Variants in MACROD2 observed in about 807,000 individuals in gnomAD.
The protein encoded by MACROD2 is mono-ADP ribosylhydrolase 2.
Under a neutral mutation model 70.4 loss-of-function variants are expected in MACROD2, and 36 were observed. The ratio of observed to expected loss-of-function variants is 0.51; its 90% CI spans 0.39 to 0.68. MACROD2 has a LOEUF of 0.68. Ranked by LOEUF, MACROD2 falls within the 30% of genes least tolerant of loss-of-function variation. The pLI, the probability that MACROD2 is intolerant of heterozygous loss-of-function variation, is 0.00. For synonymous variants in MACROD2, 172 were observed against 178.8 expected (o/e 0.96, Z 0.30); for missense variants, 496 against 538.4 (o/e 0.92, Z 0.78).
At chr20:15,878,658 C>T (rs1273107214) in intron 9 of MACROD2, among the ~76,000 whole-genome samples, 1 of 152,070 alleles carries the variant, frequency 6.6e-6, no homozygotes, top group Non-Finnish European at 1.5e-5. Context: ...ACTTCCTTTT[C>T]CAAAGAAGTG....
At chr20:15,007,375 C>CA (rs200476463) in intron 5 of MACROD2, among the ~76,000 whole-genome samples, 90 of 146,792 alleles carry the variant, frequency 6.1e-4, no homozygotes, top group African/African-American at 2.2e-3. Flanking sequence ...AAAACAAAAA[C>CA]AAACAAAAAA....
intron 3 of MACROD2, among the ~76,000 whole-genome samples, chr20:14,113,096 A>C (rs1284368339): frequency 3.3e-5 from 5 of 151,978 alleles, no homozygotes; most frequent in Admixed American, 2.0e-4. Flanking sequence ...TTTGATAAGG[A>C]AAGGTTGAGA....
intron 6 of MACROD2, among the ~76,000 whole-genome samples, chr20:15,255,444 T>C (rs1458192017): frequency 1.1e-4 from 17 of 152,074 alleles, no homozygotes. Context: ...TATGGTACAA[T>C]TGGCAATCAT....
At chr20:14,997,450 T>G (rs2074959604) in intron 5 of MACROD2, among the ~76,000 whole-genome samples, 2 of 152,122 alleles carry the variant, frequency 1.3e-5, no homozygotes, top group East Asian at 3.9e-4. Flanking sequence ...GACCCAGTTC[T>G]GTGCTGGCTT....
At chr20:15,221,459 A>G (rs547459471) in intron 5 of MACROD2, among the ~76,000 whole-genome samples, 2 of 152,302 alleles carry the variant, frequency 1.3e-5, no homozygotes, top group Admixed American at 6.5e-5. Flanking sequence ...AAATAACACT[A>G]TTGTGATGCA....
chr20:15,323,229 C>A lies in MACROD2; in HGVS notation c.540+93168C>A, dbSNP rs1246471068. 3.3e-5 allele frequency among the ~76,000 whole-genome samples: 5 copies of A among 152,300 alleles called. No individual in the cohort carries two copies. In the East Asian group the frequency reaches 9.6e-4, roughly 29 times the overall value. On this transcript the variant is annotated intron_variant, in intron 6 of 17. Coordinates refer to ENST00000684519, the MANE Select transcript of MACROD2 (RefSeq NM_001351661.2). ...GGCAGCTGGGAATTGTTATTCTTCACCATCCTGCCATCACTGACAGATGCA... is the reference window on the plus strand; with the variant it reads ...GGCAGCTGGGAATTGTTATTCTTCAACATCCTGCCATCACTGACAGATGCA...
At chr20:14,303,768 C>T (rs1477162763) in intron 3 of MACROD2, among the ~76,000 whole-genome samples, 4 of 152,144 alleles carry the variant, frequency 2.6e-5, no homozygotes, top group African/African-American at 7.2e-5. Context: ...TCTTCCAACC[C>T]ACAGCCCCCA....
At chr20:14,901,082 T>A (rs1357347814) in intron 5 of MACROD2, among the ~76,000 whole-genome samples, 1 of 152,090 alleles carries the variant, frequency 6.6e-6, no homozygotes, top group Non-Finnish European at 1.5e-5. Context: ...AGACAGAAAC[T>A]TTAAATGCCA....
At chr20:15,947,154 C>G (rs905645127) in intron 12 of MACROD2, among the ~76,000 whole-genome samples, 2 of 152,074 alleles carry the variant, frequency 1.3e-5, no homozygotes, top group African/African-American at 2.4e-5. Flanking sequence ...ACATTCAGTT[C>G]CCAGGGGCAG....
intron 5 of MACROD2, among the ~76,000 whole-genome samples, chr20:15,127,045 G>A (rs558503461): frequency 3.3e-5 from 5 of 152,060 alleles, no homozygotes; most frequent in African/African-American, 1.2e-4. Context: ...TGTACACCTA[G>A]GGCAGAACAC....
chr20:15,091,093 A>G (rs2075789221), intron 5 of MACROD2, among the ~76,000 whole-genome samples: 1 of 152,012 alleles, frequency 6.6e-6, no homozygotes, highest in Non-Finnish European at 1.5e-5. Context: ...CTTGGGTGAG[A>G]TAACACTGGA....
chr20:14,982,468 C>T (rs2122842664), intron 5 of MACROD2, among the ~76,000 whole-genome samples: 1 of 152,232 alleles, frequency 6.6e-6, no homozygotes, highest in African/African-American at 2.4e-5. Flanking sequence ...CCATCACAGG[C>T]CTGGAGGCAC....
In MACROD2 at chr20:16,041,198, C is replaced by A; in HGVS notation, c.1154-3C>A. On this transcript the variant is annotated splice_region_variant and splice_polypyrimidine_tract_variant and intron_variant, in intron 15 of 17. Transcript: ENST00000684519. The stretch of plus-strand genomic sequence containing the variant: ...CAGGGACTGTGGTCTTTTTCTCTTC[C>A]AGCTCCAGGCGAGGACACACCTAGG... 6.2e-7 allele frequency: 1 copy of A among 1,610,386 alleles called. No homozygotes were observed. The highest frequency in any genetic ancestry group is 1.3e-5 in the African/African-American group (1 of 74,702).
intron 3 of MACROD2, among the ~76,000 whole-genome samples, chr20:14,367,767 C>T (rs2083285675): frequency 1.1e-5 from 1 of 90,378 alleles, no homozygotes; most frequent in Non-Finnish European, 2.4e-5. Context: ...AGTTATTCGT[C>T]TTGGAGTTTG....
intron 6 of MACROD2, among the ~76,000 whole-genome samples, chr20:15,268,564 G>A (rs2077317788): frequency 6.6e-6 from 1 of 152,184 alleles, no homozygotes; most frequent in Non-Finnish European, 1.5e-5. Context: ...TGAGGCAGAG[G>A]ATTGCTTGAA....
At chr20:14,248,829 A>T (rs2081987779) in intron 3 of MACROD2, among the ~76,000 whole-genome samples, 1 of 151,998 alleles carries the variant, frequency 6.6e-6, no homozygotes, top group African/African-American at 2.4e-5. Flanking sequence ...TTTTTTGTAT[A>T]TATTCTTCTT....
At chr20:15,290,789 A>C (rs933913722) in intron 6 of MACROD2, among the ~76,000 whole-genome samples, 2 of 152,188 alleles carry the variant, frequency 1.3e-5, no homozygotes, top group Non-Finnish European at 2.9e-5. Context: ...TATTTGAGTA[A>C]GTTGGGGCCC....
intron 3 of MACROD2, among the ~76,000 whole-genome samples, chr20:14,375,836 A>G (rs2083366091): frequency 6.6e-6 from 1 of 152,214 alleles, no homozygotes; most frequent in African/African-American, 2.4e-5. Flanking sequence ...TTGGTTCAAC[A>G]AACTGATGGA....
intron 13 of MACROD2, among the ~76,000 whole-genome samples, chr20:15,972,141 TTGAAGA>T (rs1370676250): frequency 2.0e-5 from 3 of 152,084 alleles, no homozygotes; most frequent in Non-Finnish European, 2.9e-5. Context: ...ATTAATGAAC[TTGAAGA>T]TGAAGCAATA....
Sources: gnomAD v4.1 joint callset for allele counts (sites outside exome capture counted in the v4.1 genomes callset) on GRCh38, gnomAD v4.1.1 for gene constraint, MANE v1.5 for transcripts, NCBI Gene and HGNC (gene_info 2026-07-23, HGNC 2026-07-21) for gene names.